KLHL1: variants seen among roughly 807,000 people sequenced by gnomAD.
KLHL1 encodes kelch-like protein 1.
A neutral mutation model predicts 77.7 loss-of-function variants in KLHL1; 47 were observed. The observed-to-expected ratio is 0.60, with a 90% CI of 0.48 to 0.77. The LOEUF (loss-of-function observed/expected upper bound fraction) is 0.77, where lower values mean the gene tolerates loss of function less well. KLHL1 is among the 30% of genes least tolerant of loss of function. The probability of loss-of-function intolerance (pLI) is 0.00; values close to 1 mark genes in which losing one functional copy is unlikely to be tolerated. For synonymous variants in KLHL1, 360 were observed against 325.2 expected, an observed-to-expected ratio of 1.11 and a Z score of -1.15; for missense variants, 925 against 910.8, an observed-to-expected ratio of 1.02 and a Z score of -0.20.
At chr13:70,057,729 T>C (rs1327168675) in intron 1 of KLHL1, among the ~76,000 whole-genome samples, 2 of 137,544 alleles carry the variant, frequency 1.5e-5, no homozygotes, top group Non-Finnish European at 3.0e-5. Context: ...TGAGCCGAGA[T>C]TGCGCCACTG....
chr13:69,966,670 G>T (rs1055024396), intron 2 of KLHL1, among the ~76,000 whole-genome samples: 1 of 151,978 alleles, frequency 6.6e-6, no homozygotes, highest in Non-Finnish European at 1.5e-5. Flanking sequence ...TGTATAGATT[G>T]TGTAATGGTC....
chr13:69,714,765 T>G (rs1430871509), intron 9 of KLHL1, among the ~76,000 whole-genome samples: 1 of 151,868 alleles, frequency 6.6e-6, no homozygotes, highest in Non-Finnish European at 1.5e-5. Flanking sequence ...CACTAATTTT[T>G]GTATTTCTAG....
chr13:69,911,966 G>C (rs552806168), intron 4 of KLHL1, among the ~76,000 whole-genome samples: 1 of 152,158 alleles, frequency 6.6e-6, no homozygotes, highest in Non-Finnish European at 1.5e-5. Context: ...GGGGCAATCT[G>C]AAGTATAAGT....
At chr13:69,718,149 C>T (rs1367095554) in intron 9 of KLHL1, among the ~76,000 whole-genome samples, 1 of 152,116 alleles carries the variant, frequency 6.6e-6, no homozygotes, top group African/African-American at 2.4e-5. Flanking sequence ...AATCAGGATA[C>T]AGACTGTGTT....
intron 7 of KLHL1, among the ~76,000 whole-genome samples, chr13:69,792,523 C>G (rs1876915537): frequency 6.6e-6 from 1 of 152,100 alleles, no homozygotes; most frequent in South Asian, 2.1e-4. Context: ...CAAGAATTAA[C>G]CACAGGACTC....
intron 6 of KLHL1, among the ~76,000 whole-genome samples, chr13:69,811,781 A>C (rs1329195992): frequency 1.3e-5 from 2 of 152,032 alleles, no homozygotes; most frequent in East Asian, 3.9e-4. Flanking sequence ...AGTCTATTTG[A>C]TTCTTCTCTC....
chr13:69,715,571 A>G (rs1655581634), intron 9 of KLHL1, among the ~76,000 whole-genome samples: 1 of 151,186 alleles, frequency 6.6e-6, no homozygotes, highest in African/African-American at 2.4e-5. Context: ...CCCAGGCTGG[A>G]GTGCAGTGGC....
In KLHL1 at chr13:69,996,910, A is replaced by ATTTTTTTTTTTTT. The variant is rs10549532; in HGVS notation, c.498-21121_498-21109dup. On this transcript the variant is annotated intron_variant, in intron 1 of 10. Transcript: ENST00000377844. ...GAAAAGTTCTTATTTTATTCATTAAATTTTTTTTTTTTTTTTTTTTTTTTT... is the reference window on the plus strand; with the variant it reads ...GAAAAGTTCTTATTTTATTCATTAAATTTTTTTTTTTTTTTTTTTTTTTTTTTTTTTTTTTTTT... 9.3e-4 allele frequency among the ~76,000 whole-genome samples: 66 copies of ATTTTTTTTTTTTT among 71,230 alleles called. 1 individual carries two copies. Among genetic ancestry groups the ATTTTTTTTTTTTT allele is most frequent in the Admixed American group, 2.1e-3 (9 of 4,364 alleles). 46.7% of individuals were successfully genotyped at this position (71,230 alleles called of 152,430 possible).
At chr13:69,819,243 G>A (rs925090300) in intron 6 of KLHL1, among the ~76,000 whole-genome samples, 1 of 152,122 alleles carries the variant, frequency 6.6e-6, no homozygotes, top group African/African-American at 2.4e-5. Flanking sequence ...ATCTGGCCAA[G>A]TCCTTTGAAT....
chr13:70,101,737 T>A (rs915604742), intron 1 of KLHL1, among the ~76,000 whole-genome samples: 1 of 152,120 alleles, frequency 6.6e-6, no homozygotes, highest in African/African-American at 2.4e-5. Context: ...CCAACAGCCC[T>A]ATTTCTTACG....
chr13:70,013,563 AG>A (rs1249656042), intron 1 of KLHL1, among the ~76,000 whole-genome samples: 5 of 152,344 alleles, frequency 3.3e-5, no homozygotes, highest in African/African-American at 1.2e-4. Flanking sequence ...GTATTTTAAT[AG>A]ACTGCAACTG....
At chr13:69,889,526 A>G (rs1313496783) in intron 4 of KLHL1, among the ~76,000 whole-genome samples, 2 of 151,946 alleles carry the variant, frequency 1.3e-5, no homozygotes, top group East Asian at 1.9e-4. Context: ...CTCCTCACCC[A>G]TCTATTTTGA....
At chr13:69,948,671 A>G (rs576524223) in intron 3 of KLHL1, among the ~76,000 whole-genome samples, 1 of 152,042 alleles carries the variant, frequency 6.6e-6, no homozygotes, top group Non-Finnish European at 1.5e-5. Context: ...AAAATATGTA[A>G]AATAGAATGG....
At chr13:70,106,792 T>G (rs1471313480) in intron 1 of KLHL1, among the ~76,000 whole-genome samples, 1 of 152,136 alleles carries the variant, frequency 6.6e-6, no homozygotes, top group African/African-American at 2.4e-5. Flanking sequence ...ATATGCTAAG[T>G]CAGTTACTAG....
At chr13:69,716,025 C>A (rs931123443) in intron 9 of KLHL1, among the ~76,000 whole-genome samples, 7 of 152,098 alleles carry the variant, frequency 4.6e-5, no homozygotes, top group Non-Finnish European at 5.9e-5. Context: ...AAATGCAAAT[C>A]TGGATTTGCA....
At chr13:69,703,606 A>G (rs1430241418) in intron 10 of KLHL1, among the ~76,000 whole-genome samples, 3 of 151,588 alleles carry the variant, frequency 2.0e-5, no homozygotes, top group African/African-American at 7.3e-5. Flanking sequence ...TGACTCTGTC[A>G]CTGACTCACC....
chr13:69,999,052 A>G (rs1454187520), intron 1 of KLHL1, among the ~76,000 whole-genome samples: 1 of 152,034 alleles, frequency 6.6e-6, no homozygotes, highest in Non-Finnish European at 1.5e-5. Flanking sequence ...TTCTCCATCA[A>G]GTAAGCACAG....
At chr13:70,047,230 G>C (rs2137386924) in intron 1 of KLHL1, among the ~76,000 whole-genome samples, 1 of 150,666 alleles carries the variant, frequency 6.6e-6, no homozygotes, top group African/African-American at 2.4e-5. Flanking sequence ...TATAAAACTT[G>C]GTTTGACCAG....
chr13:70,049,927 C>G (rs1292546383), intron 1 of KLHL1, among the ~76,000 whole-genome samples: 1 of 151,538 alleles, frequency 6.6e-6, no homozygotes, highest in East Asian at 1.9e-4. Flanking sequence ...ACATCTAAAA[C>G]TGCAAAATAT....
Sources: allele counts gnomAD v4.1 joint callset (sites outside exome capture counted in the v4.1 genomes callset), GRCh38; gene constraint gnomAD v4.1.1; transcripts MANE v1.5; gene names NCBI Gene and HGNC (gene_info 2026-07-23, HGNC 2026-07-21).